Variants in TENM2 observed in about 807,000 individuals in gnomAD.
TENM2 encodes teneurin-2.
A neutral mutation model predicts 245.2 loss-of-function variants in TENM2; 52 were observed. The ratio of observed to expected loss-of-function variants is 0.21; its 90% CI spans 0.17 to 0.27. The LOEUF is 0.27. Among genes scored for constraint, TENM2 ranks in the 10% least tolerant of loss-of-function variants. TENM2 has a pLI of 1.00. For synonymous variants in TENM2, 1,363 were observed against 1,438.9 expected (o/e 0.95, Z 1.19); for missense variants, 3,046 against 3,666.8 (o/e 0.83, Z 4.37).
At chr5:167,962,109 C>T (rs567471508) in intron 4 of TENM2, among the ~76,000 whole-genome samples, 1 of 152,290 alleles carries the variant, frequency 6.6e-6, no homozygotes, top group East Asian at 1.9e-4. Context: ...AGATCACTGT[C>T]CTGCTTTCCT....
chr5:167,046,134 G>A, the TENM2 span, among the ~76,000 whole-genome samples: 1 of 151,796 alleles, frequency 6.6e-6, no homozygotes, highest in Admixed American at 6.6e-5. Context: ...AAGAACTCAC[G>A]GGAAAAAAAA....
At chr5:167,690,229 C>T (rs1471954384) in intron 2 of TENM2, among the ~76,000 whole-genome samples, 2 of 149,452 alleles carry the variant, frequency 1.3e-5, no homozygotes, top group Non-Finnish European at 3.0e-5. Context: ...TTGTTATCAT[C>T]CTTAATTCTT....
rs1275137359 is a variant in TENM2 at position 167,579,041 on chromosome 5, G to A, written c.502+203568G>A. ...AAACTGTAGATGAGTGACTTTCCTT[G>A]TCCTCCAACCACTTTAATTTAATTT... On this transcript the variant is annotated intron_variant, in intron 2 of 28. Coordinates refer to ENST00000518659, the Ensembl canonical transcript of TENM2. 2.0e-5 allele frequency among the ~76,000 whole-genome samples: 3 copies of A among 152,120 alleles called. No individual in the cohort carries two copies. In the East Asian group the frequency reaches 5.8e-4, roughly 29 times the overall value.
chr5:167,060,667 AAG>A, the TENM2 span, among the ~76,000 whole-genome samples: 4 of 151,524 alleles, frequency 2.6e-5, no homozygotes, highest in Non-Finnish European at 5.9e-5. Flanking sequence ...AAAAAAAAAA[AAG>A]AAATACATTA....
intron 13 of TENM2, among the ~76,000 whole-genome samples, chr5:168,188,925 A>C (rs909857779): frequency 6.6e-6 from 1 of 152,176 alleles, no homozygotes; most frequent in Non-Finnish European, 1.5e-5. Context: ...CTGCTACAAC[A>C]AAAATACCAT....
the TENM2 span, among the ~76,000 whole-genome samples, chr5:167,006,261 C>A: frequency 6.6e-6 from 1 of 152,138 alleles, no homozygotes. Context: ...TTAGGGAATT[C>A]GATTTGGTCA....
intron 5 of TENM2, among the ~76,000 whole-genome samples, chr5:168,032,154 C>T (rs890064929): frequency 1.4e-4 from 21 of 152,212 alleles, no homozygotes; most frequent in African/African-American, 5.1e-4. Flanking sequence ...TAATCTCTCT[C>T]TCCCATAGTT....
At chr5:167,108,867 A>G in the TENM2 span, among the ~76,000 whole-genome samples, 1 of 152,196 alleles carries the variant, frequency 6.6e-6, no homozygotes, top group Non-Finnish European at 1.5e-5. Flanking sequence ...AAATAACTCG[A>G]AAAAATTTAA....
chr5:167,658,855 G>A (rs1282977364), intron 2 of TENM2, among the ~76,000 whole-genome samples: 2 of 152,180 alleles, frequency 1.3e-5, no homozygotes, highest in Non-Finnish European at 2.9e-5. Flanking sequence ...AGGAGAGAAA[G>A]CTCTGCTAGA....
the TENM2 span, among the ~76,000 whole-genome samples, chr5:167,041,975 C>G: frequency 6.6e-6 from 1 of 152,126 alleles, no homozygotes; most frequent in Non-Finnish European, 1.5e-5. Context: ...CCCTTTTTAA[C>G]CCCAGCCTTA....
At chr5:167,742,826 G>T (rs1245920049) in intron 2 of TENM2, among the ~76,000 whole-genome samples, 1 of 151,952 alleles carries the variant, frequency 6.6e-6, no homozygotes, top group African/African-American at 2.4e-5. Context: ...AAATTGGCTG[G>T]GCATGGTAGC....
chr5:167,499,736 C>G (rs1769047525), intron 2 of TENM2, among the ~76,000 whole-genome samples: 1 of 152,068 alleles, frequency 6.6e-6, no homozygotes, highest in Non-Finnish European at 1.5e-5. Context: ...CTAAGGTAGA[C>G]ACACTTGGTT....
chr5:168,146,626 T>C (rs991642413), intron 12 of TENM2, among the ~76,000 whole-genome samples: 5 of 152,206 alleles, frequency 3.3e-5, no homozygotes, highest in African/African-American at 1.2e-4. Flanking sequence ...CATTATTGAG[T>C]ACTAATGACA....
chr5:167,849,584 G>C (rs1292117947), intron 2 of TENM2, among the ~76,000 whole-genome samples: 2 of 152,120 alleles, frequency 1.3e-5, no homozygotes, highest in Admixed American at 6.5e-5. Context: ...CACAGGTTAA[G>C]GGCCCAGTCC....
At chr5:168,197,014 G>A (rs1761491200) in intron 15 of TENM2, among the ~76,000 whole-genome samples, 1 of 152,140 alleles carries the variant, frequency 6.6e-6, no homozygotes, top group African/African-American at 2.4e-5. Flanking sequence ...ATGCTCTGAG[G>A]AATCCCACAA....
intron 2 of TENM2, among the ~76,000 whole-genome samples, chr5:167,716,760 A>G (rs747788165): frequency 3.3e-5 from 5 of 152,140 alleles, no homozygotes; most frequent in South Asian, 2.1e-4. Context: ...CACAAGCATT[A>G]CTATGCCTAT....
At chr5:167,949,264 G>A (rs1232561280) in intron 3 of TENM2, among the ~76,000 whole-genome samples, 1 of 152,092 alleles carries the variant, frequency 6.6e-6, no homozygotes, top group African/African-American at 2.4e-5. Flanking sequence ...CAGTTGTTTT[G>A]AGGGGATACA....
At chr5:167,106,866 G>T in the TENM2 span, among the ~76,000 whole-genome samples, 1 of 151,998 alleles carries the variant, frequency 6.6e-6, no homozygotes, top group Non-Finnish European at 1.5e-5. Flanking sequence ...GGGAGAAACT[G>T]GCAAGAATTG....
chr5:167,028,470 C>G, the TENM2 span, among the ~76,000 whole-genome samples: 3 of 151,984 alleles, frequency 2.0e-5, no homozygotes, highest in Non-Finnish European at 4.4e-5. Flanking sequence ...TGTGTTTTAT[C>G]ATGTTTTTAT....
Sources: gnomAD v4.1 joint callset for allele counts (sites outside exome capture counted in the v4.1 genomes callset) on GRCh38, gnomAD v4.1.1 for gene constraint, MANE v1.5 for transcripts, NCBI Gene and HGNC (gene_info 2026-07-23, HGNC 2026-07-21) for gene names.